ERBB4: variants seen among roughly 807,000 people sequenced by gnomAD.
ERBB4 encodes erb-b2 receptor tyrosine kinase 4, also known as receptor tyrosine-protein kinase erbB-4.
Under a neutral mutation model 158.0 loss-of-function variants are expected in ERBB4, and 42 were observed. The ratio of observed to expected loss-of-function variants is 0.27; its 90% CI spans 0.21 to 0.34. The LOEUF (loss-of-function observed/expected upper bound fraction) is 0.34, where lower values mean the gene tolerates loss of function less well. Ranked by LOEUF, ERBB4 falls within the 10% of genes least tolerant of loss-of-function variation. The probability of loss-of-function intolerance (pLI) is 1.00; values close to 1 mark genes in which losing one functional copy is unlikely to be tolerated. For synonymous variants in ERBB4, 583 were observed against 558.7 expected, an observed-to-expected ratio of 1.04 and a Z score of -0.61; for missense variants, 1,333 against 1,624.1, an observed-to-expected ratio of 0.82 and a Z score of 3.08.
intron 2 of ERBB4, among the ~76,000 whole-genome samples, chr2:211,993,952 T>C (rs1172658642): frequency 6.6e-6 from 1 of 150,936 alleles, no homozygotes; most frequent in African/African-American, 2.4e-5. Context: ...TTTTTATATG[T>C]TTTATAATTA....
At chr2:212,436,374 C>G (rs1262757180) in intron 1 of ERBB4, among the ~76,000 whole-genome samples, 1 of 152,002 alleles carries the variant, frequency 6.6e-6, no homozygotes, top group African/African-American at 2.4e-5. Context: ...TCCAAGTAGG[C>G]ATGACTGACA....
chr2:212,000,943 AAGAG>A lies in ERBB4; in HGVS notation c.235-53331_235-53328del, dbSNP rs1459712480. On this transcript the variant is annotated intron_variant, in intron 2 of 27. Transcript: ENST00000342788. ...ACTGAAAACCTATTCACATTTAAGA[AAGAG>A]AGAACATTTTGACATCTCTCATTTT... Among the ~76,000 whole-genome samples, 8 of 152,108 alleles carry A rather than the reference AAGAG, an allele frequency of 5.3e-5. No individual in the cohort carries two copies. The South Asian group carries it at 1.7e-3, about 32-fold the overall frequency.
intron 2 of ERBB4, among the ~76,000 whole-genome samples, chr2:212,022,322 T>C (rs2076672125): frequency 2.6e-5 from 4 of 152,210 alleles, no homozygotes; most frequent in Middle Eastern, 6.8e-3. Context: ...GAAAATTTGG[T>C]ACATATACAA....
intron 20 of ERBB4, among the ~76,000 whole-genome samples, chr2:211,509,577 A>G (rs1193690255): frequency 2.6e-5 from 4 of 152,228 alleles, no homozygotes; most frequent in Admixed American, 6.5e-5. Context: ...TAATTACAAC[A>G]AAAACAAAAA....
chr2:211,603,086 C>G (rs1042369662), intron 19 of ERBB4, among the ~76,000 whole-genome samples: 1 of 152,066 alleles, frequency 6.6e-6, no homozygotes, highest in African/African-American at 2.4e-5. Context: ...CAAAATTTAG[C>G]TGGGCATAGT....
chr2:211,410,837 T>C (rs1052553670), intron 25 of ERBB4, among the ~76,000 whole-genome samples: 1 of 152,152 alleles, frequency 6.6e-6, no homozygotes, highest in Non-Finnish European at 1.5e-5. Flanking sequence ...CCTATGAAAA[T>C]CCTTAGGAAG....
At chr2:212,290,104 T>C (rs1436734729) in intron 1 of ERBB4, among the ~76,000 whole-genome samples, 1 of 152,192 alleles carries the variant, frequency 6.6e-6, no homozygotes, top group African/African-American at 2.4e-5. Flanking sequence ...TTCCCCAGCA[T>C]TAAATTAGCA....
At chr2:212,192,280 A>G (rs2082297669) in intron 1 of ERBB4, among the ~76,000 whole-genome samples, 1 of 150,840 alleles carries the variant, frequency 6.6e-6, no homozygotes, top group Non-Finnish European at 1.5e-5. Context: ...CAAACTCAAG[A>G]CAGACTAGTT....
chr2:212,469,257 G>A (rs1387202266), intron 1 of ERBB4, among the ~76,000 whole-genome samples: 1 of 152,090 alleles, frequency 6.6e-6, no homozygotes, highest in Non-Finnish European at 1.5e-5. Flanking sequence ...TCTTTTAAAT[G>A]TTTAGGGCCA....
intron 12 of ERBB4, among the ~76,000 whole-genome samples, chr2:211,694,873 G>A (rs540537812): frequency 2.6e-5 from 4 of 152,224 alleles, no homozygotes; most frequent in African/African-American, 9.6e-5. Flanking sequence ...CAAATTAAAG[G>A]TGAAAGTATG....
At chr2:211,902,728 T>A (rs1245566322) in intron 3 of ERBB4, among the ~76,000 whole-genome samples, 1 of 151,728 alleles carries the variant, frequency 6.6e-6, no homozygotes, top group Non-Finnish European at 1.5e-5. Flanking sequence ...AAAATTTTGT[T>A]TTCATATCCT....
chr2:212,416,811 G>A (rs888460315), intron 1 of ERBB4, among the ~76,000 whole-genome samples: 1 of 152,014 alleles, frequency 6.6e-6, no homozygotes, highest in African/African-American at 2.4e-5. Context: ...TTATTGGCAA[G>A]TTTTATTCAG....
chr2:211,394,181 T>C (rs1259539887), intron 25 of ERBB4, among the ~76,000 whole-genome samples: 2 of 152,134 alleles, frequency 1.3e-5, no homozygotes, highest in Non-Finnish European at 2.9e-5. Flanking sequence ...AGCAATAGTA[T>C]GTGATGGAAT....
At chr2:211,817,475 C>A (rs2076904103) in intron 3 of ERBB4, among the ~76,000 whole-genome samples, 1 of 152,106 alleles carries the variant, frequency 6.6e-6, no homozygotes, top group Non-Finnish European at 1.5e-5. Flanking sequence ...GTATATCAAC[C>A]CTGTAAAAAT....
chr2:212,537,898 G>A (rs1307248685), intron 1 of ERBB4, among the ~76,000 whole-genome samples: 3 of 152,180 alleles, frequency 2.0e-5, no homozygotes, highest in African/African-American at 4.8e-5. Flanking sequence ...GCCCGGGCTG[G>A]GCGCGAGTTG....
intron 2 of ERBB4, among the ~76,000 whole-genome samples, chr2:211,976,339 A>G (rs2081605849): frequency 1.3e-5 from 2 of 152,312 alleles, no homozygotes; most frequent in Non-Finnish European, 2.9e-5. Context: ...ACTGCTTCAA[A>G]TGAATTCCCG....
chr2:212,462,512 C>T (rs57136034), intron 1 of ERBB4, among the ~76,000 whole-genome samples: 2,462 of 152,140 alleles, frequency 0.016, 71 homozygotes, highest in African/African-American at 0.056. Flanking sequence ...TGTTCAATAT[C>T]ACTACTTATT....
chr2:211,743,305 A>T (rs1347755024), intron 5 of ERBB4, among the ~76,000 whole-genome samples: 1 of 152,144 alleles, frequency 6.6e-6, no homozygotes, highest in Non-Finnish European at 1.5e-5. Flanking sequence ...AGGAAAATCA[A>T]ACTGTAATGT....
chr2:212,002,336 T>A (rs139890544), intron 2 of ERBB4, among the ~76,000 whole-genome samples: 167 of 152,148 alleles, frequency 1.1e-3, no homozygotes, highest in African/African-American at 3.8e-3. Context: ...AAAAGATGGA[T>A]CAGCTGATAC....
Sources: allele counts gnomAD v4.1 joint callset (sites outside exome capture counted in the v4.1 genomes callset), GRCh38; gene constraint gnomAD v4.1.1; transcripts MANE v1.5; gene names NCBI Gene and HGNC (gene_info 2026-07-23, HGNC 2026-07-21).